Variants in SUN3 observed in about 807,000 individuals in gnomAD.
SUN3 encodes the protein Sad1 and UNC84 domain containing 3.
SUN3 carries 36 observed loss-of-function variants against 48.2 expected under a neutral mutation model. That is an observed-to-expected ratio of 0.75 (90% CI 0.57 to 0.99). The LOEUF is 0.99. Among genes scored for constraint, SUN3 ranks in the 50% least tolerant of loss-of-function variants. SUN3 has a pLI of 0.00. For missense variants in SUN3, 419 were observed against 433.1 expected, an observed-to-expected ratio of 0.97 and a Z score of 0.29; for synonymous variants, 148 against 147.9, an observed-to-expected ratio of 1.00 and a Z score of 0.00.
At chr7:48,002,493 G>A (rs940963017) in intron 6 of SUN3, among the ~76,000 whole-genome samples, 2 of 151,840 alleles carry the variant, frequency 1.3e-5, no homozygotes, top group Admixed American at 1.3e-4. Flanking sequence ...GTGACGTCGA[G>A]ATTTTTTTCA....
In SUN3 at chr7:47,987,197, CA is replaced by C; in HGVS notation, c.*132del. On this transcript the variant is annotated 3_prime_UTR_variant, in exon 10 of 10. Transcript: ENST00000297325. ...ATTAGTAAAATGCATTTACTTTTTA[CA>C]GGCAAGTATGAACCACTTTGAGGTT... 2.4e-6 allele frequency: 2 copies of C among 831,110 alleles called. No homozygotes were observed. Among genetic ancestry groups the C allele is most frequent in the East Asian group, 5.9e-5 (2 of 33,782 alleles). The allele number at this position is 831,110 out of a possible 1,614,324, so 51.5% of individuals were successfully genotyped here. A position where few individuals can be genotyped will look rare whatever the true frequency, so the allele number is the denominator to read the frequency against.
intron 3 of SUN3, among the ~76,000 whole-genome samples, chr7:48,010,993 CTCT>C (rs1315562213): frequency 2.6e-5 from 4 of 152,130 alleles, no homozygotes; most frequent in Admixed American, 2.0e-4. Flanking sequence ...TTTACGTGGT[CTCT>C]TCTTCTCCTC....
chr7:48,015,975 T>C (rs1789800948), intron 3 of SUN3, among the ~76,000 whole-genome samples: 1 of 152,094 alleles, frequency 6.6e-6, no homozygotes, highest in Admixed American at 6.5e-5. Flanking sequence ...GCTACAAGAT[T>C]AGAAATTACA....
intron 4 of SUN3, among the ~76,000 whole-genome samples, chr7:48,008,492 T>C (rs1161822962): frequency 6.6e-6 from 1 of 152,244 alleles, no homozygotes; most frequent in Non-Finnish European, 1.5e-5. Flanking sequence ...TATTTAACCA[T>C]TGGCCTAATT....
chr7:48,024,061 A>G (rs1447741111), intron 2 of SUN3, among the ~76,000 whole-genome samples: 7 of 152,192 alleles, frequency 4.6e-5, no homozygotes, highest in Non-Finnish European at 8.8e-5. Context: ...GATCCCTTGC[A>G]TCATATACAA....
chr7:48,029,032 T>C lies in SUN3; in HGVS notation c.-94A>G, dbSNP rs148677087. Reference sequence around the variant, plus strand: ...AAAAACATGAAGCTATACATACAGTTTCTAAATTTGTTTTGTATAATGTCT... The same window carrying C: ...AAAAACATGAAGCTATACATACAGTCTCTAAATTTGTTTTGTATAATGTCT... On this transcript the variant is annotated 5_prime_UTR_variant, in exon 1 of 10. Coordinates refer to ENST00000297325, the MANE Select transcript of SUN3 (RefSeq NM_001030019.2). The C allele has an allele frequency of 2.4e-4, 379 of 1,553,282 alleles. 2 individuals carry two copies. The East Asian group carries it at 7.0e-3, about 29-fold the overall frequency.
At chr7:47,991,122 G>A (rs189429360) in intron 8 of SUN3, 6 of 438,308 alleles carry the variant, frequency 1.4e-5, no homozygotes, top group African/African-American at 1.2e-4. Flanking sequence ...TGGCCATGCT[G>A]CCCAGGCTGG....
chr7:48,016,427 A>C (rs1389266732), intron 3 of SUN3, among the ~76,000 whole-genome samples: 1 of 152,210 alleles, frequency 6.6e-6, no homozygotes, highest in Non-Finnish European at 1.5e-5. Flanking sequence ...GCAATGGGCA[A>C]GGTGAACCCT....
intron 5 of SUN3, 87 bp from the exon 6 acceptor site, chr7:48,006,140 A>G: frequency 1.0e-6 from 1 of 974,770 alleles, no homozygotes. Context: ...TTTGGACCTA[A>G]TTTGCAAAAT....
intron 3 of SUN3, among the ~76,000 whole-genome samples, chr7:48,016,028 C>T (rs1203424654): frequency 6.6e-6 from 1 of 152,126 alleles, no homozygotes; most frequent in Non-Finnish European, 1.5e-5. Flanking sequence ...GTCTGAACCT[C>T]CCCAAATTGT....
Position 48,000,692 on chromosome 7 carries a change from C to T in SUN3, c.578-4546G>A, listed in dbSNP as rs543391148. ...TTTAAACATGTCGTTTCCTTCTCTT[C>T]TGGTCTCTTTAACTTCTGGTAAGAA... On this transcript the variant is annotated intron_variant, in intron 6 of 9. Coordinates refer to ENST00000297325, the MANE Select transcript of SUN3 (RefSeq NM_001030019.2). Among the ~76,000 whole-genome samples the T allele has an allele frequency of 2.0e-4, 31 of 152,190 alleles. No homozygotes were observed. In the South Asian group the frequency reaches 5.6e-3, roughly 28 times the overall value.
At chr7:48,014,218 T>G (rs1789751379) in intron 3 of SUN3, among the ~76,000 whole-genome samples, 1 of 152,210 alleles carries the variant, frequency 6.6e-6, no homozygotes, top group South Asian at 2.1e-4. Flanking sequence ...ATTACAGGAA[T>G]GAGCCACCGT....
chr7:48,012,840 G>A (rs922380495), intron 3 of SUN3, among the ~76,000 whole-genome samples: 3 of 152,318 alleles, frequency 2.0e-5, no homozygotes, highest in South Asian at 2.1e-4. Context: ...TACCACCCAC[G>A]TGAATAGGAT....
chr7:47,987,566 C>T (rs1583734691), intron 9 of SUN3, 117 bp from the exon 10 acceptor site: 2 of 1,001,534 alleles, frequency 2.0e-6, no homozygotes, highest in Non-Finnish European at 2.7e-6. Flanking sequence ...TAGGATCTGG[C>T]TCTGTCACAC....
chr7:48,025,671 C>T (rs1459326601), intron 2 of SUN3, among the ~76,000 whole-genome samples: 14 of 152,122 alleles, frequency 9.2e-5, no homozygotes, highest in Admixed American at 9.2e-4. Context: ...GAAAAATCTC[C>T]TTTCTAAATT....
intron 6 of SUN3, among the ~76,000 whole-genome samples, chr7:48,003,804 G>A (rs1020977463): frequency 6.6e-5 from 10 of 152,030 alleles, no homozygotes; most frequent in African/African-American, 1.9e-4. Flanking sequence ...AGAAGCTTTC[G>A]GGCTGAGACT....
chr7:47,995,232 A>AGGT (rs771197013), intron 7 of SUN3, among the ~76,000 whole-genome samples: 1 of 139,494 alleles, frequency 7.2e-6, no homozygotes, highest in Non-Finnish European at 1.6e-5. Flanking sequence ...AAAGATGGTG[A>AGGT]GGTGGTGGTG....
At chr7:48,007,131 C>T (rs1264401588) in intron 5 of SUN3, 34 bp downstream of exon 5, 3 of 1,585,892 alleles carry the variant, frequency 1.9e-6, no homozygotes, top group Admixed American at 1.8e-5. Flanking sequence ...ACCACCACCC[C>T]ACCCTGCCCA....
At chr7:48,027,118 C>T (rs540697940) in intron 1 of SUN3, among the ~76,000 whole-genome samples, 21 of 152,258 alleles carry the variant, frequency 1.4e-4, no homozygotes, top group African/African-American at 5.1e-4. Context: ...ATCTGTCTGC[C>T]TCCTGTTCCC....
Sources: allele counts gnomAD v4.1 joint callset (sites outside exome capture counted in the v4.1 genomes callset), GRCh38; gene constraint gnomAD v4.1.1; transcripts MANE v1.5; gene names NCBI Gene and HGNC (gene_info 2026-07-23, HGNC 2026-07-21).